Variants in CENPW observed in about 807,000 individuals in gnomAD.
The protein encoded by CENPW is centromere protein W, also known as cancer-up-regulated gene 2 protein.
In CENPW, 3 loss-of-function variants were observed where a neutral mutation model predicts 11.1. That is an observed-to-expected ratio of 0.27 (90% CI 0.12 to 0.70). The LOEUF is 0.70. Among genes scored for constraint, CENPW ranks in the 30% least tolerant of loss-of-function variants. CENPW has a pLI of 0.77. For synonymous variants in CENPW, 38 were observed against 42.0 expected (o/e 0.91, Z 0.37); for missense variants, 100 against 105.6 (o/e 0.95, Z 0.23).
the CENPW span, among the ~76,000 whole-genome samples, chr6:126,436,191 T>C: frequency 3.3e-5 from 5 of 151,996 alleles, no homozygotes; most frequent in African/African-American, 1.2e-4. Flanking sequence ...ATTTACTAGA[T>C]AATCTAGGTG....
chr6:126,462,869 G>T, the CENPW span, among the ~76,000 whole-genome samples: 1 of 151,980 alleles, frequency 6.6e-6, no homozygotes, highest in East Asian at 1.9e-4. Flanking sequence ...TATTTAAATA[G>T]AGGGCATATA....
chr6:126,479,924 CCTAA>C, the CENPW span, among the ~76,000 whole-genome samples: 1 of 151,768 alleles, frequency 6.6e-6, no homozygotes, highest in African/African-American at 2.4e-5. Flanking sequence ...CAATGCTTTT[CCTAA>C]CTGCTTACAC....
At chr6:126,356,487 A>G in the CENPW span, among the ~76,000 whole-genome samples, 1 of 152,060 alleles carries the variant, frequency 6.6e-6, no homozygotes, top group Non-Finnish European at 1.5e-5. Flanking sequence ...TCCTAATTAA[A>G]CCCCTTAGTA....
the CENPW span, among the ~76,000 whole-genome samples, chr6:126,433,321 ATGG>A: frequency 6.6e-6 from 1 of 152,196 alleles, no homozygotes; most frequent in African/African-American, 2.4e-5. Flanking sequence ...TCTTTTTATC[ATGG>A]TAGTTTAAAA....
At chr6:126,416,089 C>T in the CENPW span, among the ~76,000 whole-genome samples, 8 of 152,218 alleles carry the variant, frequency 5.3e-5, no homozygotes, top group Middle Eastern at 6.8e-3. Flanking sequence ...GATAATGATA[C>T]GGACAATGAA....
At chr6:126,367,876 G>C in the CENPW span, among the ~76,000 whole-genome samples, 1 of 152,218 alleles carries the variant, frequency 6.6e-6, no homozygotes, top group Non-Finnish European at 1.5e-5. Flanking sequence ...TGTTTGTTTA[G>C]TGTCTAAGTC....
At chr6:126,425,869 A>G in the CENPW span, among the ~76,000 whole-genome samples, 2 of 151,866 alleles carry the variant, frequency 1.3e-5, no homozygotes, top group African/African-American at 4.8e-5. Context: ...AGCATGAAAA[A>G]GGGCCTTAGG....
the CENPW span, among the ~76,000 whole-genome samples, chr6:126,414,880 A>G: frequency 4.6e-5 from 7 of 152,072 alleles, no homozygotes; most frequent in South Asian, 2.1e-4. Context: ...GGAAAAAAAG[A>G]AGACTCACAC....
the CENPW span, among the ~76,000 whole-genome samples, chr6:126,463,656 A>G: frequency 6.6e-6 from 1 of 152,068 alleles, no homozygotes. Context: ...TTAATAGGAT[A>G]AATACTTGAG....
At chr6:126,453,229 G>A in the CENPW span, among the ~76,000 whole-genome samples, 1 of 150,942 alleles carries the variant, frequency 6.6e-6, no homozygotes, top group Non-Finnish European at 1.5e-5. Context: ...ATATAATATA[G>A]GAGATGACCA....
chr6:126,387,504 T>C, the CENPW span, among the ~76,000 whole-genome samples: 1 of 151,988 alleles, frequency 6.6e-6, no homozygotes, highest in Non-Finnish European at 1.5e-5. Context: ...AATTAGTATA[T>C]TTATCATTTC....
At chr6:126,407,739 G>A in the CENPW span, among the ~76,000 whole-genome samples, 3 of 152,102 alleles carry the variant, frequency 2.0e-5, no homozygotes, top group African/African-American at 7.2e-5. Context: ...CTTTTGAGAA[G>A]TGTCTGTTCA....
the CENPW span, among the ~76,000 whole-genome samples, chr6:126,466,837 A>T: frequency 6.6e-6 from 1 of 152,132 alleles, no homozygotes; most frequent in African/African-American, 2.4e-5. Flanking sequence ...ATTTCTATAG[A>T]CCAACAAGAG....
the CENPW span, among the ~76,000 whole-genome samples, chr6:126,382,005 A>C: frequency 6.6e-6 from 1 of 152,108 alleles, no homozygotes; most frequent in Non-Finnish European, 1.5e-5. Flanking sequence ...AGGACAAGGC[A>C]GGTGGATCAC....
the CENPW span, among the ~76,000 whole-genome samples, chr6:126,357,036 T>G: frequency 2.6e-5 from 4 of 152,194 alleles, no homozygotes; most frequent in African/African-American, 9.7e-5. Context: ...TTGAGAAGGG[T>G]ATTTCCTAGG....
At chr6:126,369,372 G>T in the CENPW span, among the ~76,000 whole-genome samples, 1 of 152,286 alleles carries the variant, frequency 6.6e-6, no homozygotes, top group South Asian at 2.1e-4. Flanking sequence ...TTCCATAGTG[G>T]TTGTACTAAT....
chr6:126,477,764 A>G, the CENPW span, among the ~76,000 whole-genome samples: 20 of 152,050 alleles, frequency 1.3e-4, no homozygotes, highest in Admixed American at 1.3e-3. Context: ...CCCAAATTTC[A>G]GCAAATTGTC....
the CENPW span, among the ~76,000 whole-genome samples, chr6:126,401,672 T>A: frequency 2.0e-5 from 3 of 152,044 alleles, no homozygotes; most frequent in African/African-American, 4.8e-5. Context: ...ATATGTGAGA[T>A]AAAGGAGATG....
the CENPW span, among the ~76,000 whole-genome samples, chr6:126,376,558 G>A: frequency 3.3e-5 from 5 of 152,134 alleles, no homozygotes; most frequent in African/African-American, 4.8e-5. Context: ...AACAGTAGTA[G>A]GGTTGACAGG....
Sources: gnomAD v4.1 joint callset for allele counts (sites outside exome capture counted in the v4.1 genomes callset) on GRCh38, gnomAD v4.1.1 for gene constraint, MANE v1.5 for transcripts, NCBI Gene and HGNC (gene_info 2026-07-23, HGNC 2026-07-21) for gene names.